Variants in RNLS observed in about 807,000 individuals in gnomAD.
RNLS encodes the protein renalase.
In RNLS, 39 loss-of-function variants were observed where a neutral mutation model predicts 39.8. The observed-to-expected ratio is 0.98, with a 90% CI of 0.76 to 1.28. RNLS has a LOEUF of 1.28. Among genes scored for constraint, RNLS ranks in the 50% most tolerant of loss-of-function variants. The pLI is 0.00. For synonymous variants in RNLS, 147 were observed against 150.7 expected, an observed-to-expected ratio of 0.98 and a Z score of 0.18; for missense variants, 410 against 413.3, an observed-to-expected ratio of 0.99 and a Z score of 0.07.
intron 4 of RNLS, among the ~76,000 whole-genome samples, chr10:88,448,672 A>G (rs982460652): frequency 1.3e-5 from 2 of 152,222 alleles, no homozygotes; most frequent in African/African-American, 4.8e-5. Context: ...AGGATTATAA[A>G]TCATGCTGCT....
chr10:88,529,966 C>T (rs536019105), intron 4 of RNLS, among the ~76,000 whole-genome samples: 3 of 152,274 alleles, frequency 2.0e-5, no homozygotes, highest in Admixed American at 6.5e-5. Context: ...TAGGTATACA[C>T]CATATAGTAT....
intron 4 of RNLS, among the ~76,000 whole-genome samples, chr10:88,521,516 T>TA (rs1846733060): frequency 6.6e-6 from 1 of 152,010 alleles, no homozygotes; most frequent in African/African-American, 2.4e-5. Flanking sequence ...AGGCAGGTGA[T>TA]AATTAGAATA....
At chr10:88,308,441 TAA>T (rs61265471) in intron 6 of RNLS, among the ~76,000 whole-genome samples, 1 of 126,066 alleles carries the variant, frequency 7.9e-6, no homozygotes, top group South Asian at 2.8e-4. Context: ...TTACAAAAAA[TAA>T]AAAAAAAACC....
intron 5 of RNLS, among the ~76,000 whole-genome samples, chr10:88,316,508 T>G (rs1845776692): frequency 6.6e-6 from 1 of 152,142 alleles, no homozygotes; most frequent in Non-Finnish European, 1.5e-5. Context: ...AACTACTAGG[T>G]CAGCATTCTG....
the RNLS span, among the ~76,000 whole-genome samples, chr10:88,180,398 T>A: frequency 6.6e-6 from 1 of 152,122 alleles, no homozygotes; most frequent in East Asian, 1.9e-4. Context: ...GGGATAAAGA[T>A]TCGATTTTTC....
intron 4 of RNLS, among the ~76,000 whole-genome samples, chr10:88,443,188 T>C (rs1453114038): frequency 6.6e-6 from 1 of 152,228 alleles, no homozygotes; most frequent in Non-Finnish European, 1.5e-5. Flanking sequence ...CCTTTTAATT[T>C]GGGATTTTCC....
chr10:88,260,777 A>G, the RNLS span, among the ~76,000 whole-genome samples: 2 of 152,242 alleles, frequency 1.3e-5, no homozygotes, highest in African/African-American at 4.8e-5. Context: ...AATTTCTTTA[A>G]GGAAAGCAAA....
chr10:88,437,911 G>A (rs1337421871), intron 4 of RNLS, among the ~76,000 whole-genome samples: 1 of 152,088 alleles, frequency 6.6e-6, no homozygotes, highest in Non-Finnish European at 1.5e-5. Context: ...CAGATCACCT[G>A]AGGTTGGGAG....
chr10:88,420,056 A>AATG (rs1854309278), intron 4 of RNLS, among the ~76,000 whole-genome samples: 1 of 43,112 alleles, frequency 2.3e-5, no homozygotes, highest in African/African-American at 8.5e-5. Context: ...ATAAATAAAT[A>AATG]AATGAATGAA....
At chr10:88,298,222 T>A (rs1844232788) in intron 6 of RNLS, among the ~76,000 whole-genome samples, 1 of 152,152 alleles carries the variant, frequency 6.6e-6, no homozygotes. Context: ...TCTTTATACA[T>A]TCTAGATAGT....
At chr10:88,290,472 C>A (rs1247748842) in intron 6 of RNLS, among the ~76,000 whole-genome samples, 1 of 152,158 alleles carries the variant, frequency 6.6e-6, no homozygotes, top group East Asian at 1.9e-4. Flanking sequence ...CTCACTTACA[C>A]CATGAATGCA....
chr10:88,208,620 G>T, the RNLS span, among the ~76,000 whole-genome samples: 1 of 152,056 alleles, frequency 6.6e-6, no homozygotes, highest in Non-Finnish European at 1.5e-5. Flanking sequence ...AAAAAAAATT[G>T]CCATCTCCAA....
chr10:88,283,953 A>C (rs1047189555), downstream of RNLS: 2 of 195,456 alleles, frequency 1.0e-5, no homozygotes, highest in Non-Finnish European at 1.9e-5. Context: ...GTATCCCTAC[A>C]TTTAAAATTT....
chr10:88,443,247 G>A (rs1841832234), intron 4 of RNLS, among the ~76,000 whole-genome samples: 1 of 152,170 alleles, frequency 6.6e-6, no homozygotes, highest in Non-Finnish European at 1.5e-5. Flanking sequence ...CGGCCAGAGT[G>A]AGTTTTCTAA....
chr10:88,377,290 T>G (rs1851090089), intron 4 of RNLS, among the ~76,000 whole-genome samples: 1 of 152,016 alleles, frequency 6.6e-6, no homozygotes, highest in Non-Finnish European at 1.5e-5. Flanking sequence ...TTTCTTCTCA[T>G]CTTCTAAATG....
At chr10:88,540,815 T>C (rs1847996114) in intron 4 of RNLS, among the ~76,000 whole-genome samples, 1 of 152,052 alleles carries the variant, frequency 6.6e-6, no homozygotes, top group African/African-American at 2.4e-5. Flanking sequence ...TATAGTAGCA[T>C]ATTTTTTCAC....
In RNLS at chr10:88,408,866, C is replaced by T. The variant is rs183733774; in HGVS notation, c.527-46141G>A. Among the ~76,000 whole-genome samples the T allele has an allele frequency of 1.4e-4, 21 of 151,480 alleles. No individual in the cohort carries two copies. In the East Asian group the frequency reaches 1.7e-3, roughly 13 times the overall value. On this transcript the variant is annotated intron_variant, in intron 4 of 6. Transcript: ENST00000331772. ...TGCAATTTAAATAAATGGTAAAATA[C>T]GATTATTAGCAAATTATATTTCTCT...
chr10:88,526,157 T>A (rs191862409), intron 4 of RNLS, among the ~76,000 whole-genome samples: 81 of 152,004 alleles, frequency 5.3e-4, no homozygotes, highest in Admixed American at 1.9e-3. Flanking sequence ...GCCAAGTAGG[T>A]CTTTTGATTT....
chr10:88,266,118 T>C, the RNLS span, among the ~76,000 whole-genome samples: 1 of 151,640 alleles, frequency 6.6e-6, no homozygotes, highest in African/African-American at 2.4e-5. Context: ...TATGGGTAAA[T>C]TCTGAGTGCT....
Sources: allele counts gnomAD v4.1 joint callset (sites outside exome capture counted in the v4.1 genomes callset), GRCh38; gene constraint gnomAD v4.1.1; transcripts MANE v1.5; gene names NCBI Gene and HGNC (gene_info 2026-07-23, HGNC 2026-07-21).